The following TTC12 variants were observed in gnomAD, a reference collection of about 807,000 sequenced individuals.
TTC12 encodes the protein tetratricopeptide repeat protein 12.
A neutral mutation model predicts 90.1 loss-of-function variants in TTC12; 70 were observed. That is an observed-to-expected ratio of 0.78 (90% CI 0.64 to 0.95). TTC12 has a LOEUF of 0.95. Ranked by LOEUF, TTC12 falls within the 40% of genes least tolerant of loss-of-function variation. The probability of loss-of-function intolerance (pLI) is 0.00; values close to 1 mark genes in which losing one functional copy is unlikely to be tolerated. For missense variants in TTC12, 819 were observed against 846.1 expected (o/e 0.97, Z 0.40); for synonymous variants, 296 against 311.5 (o/e 0.95, Z 0.53).
Position 113,344,445 on chromosome 11 carries a change from G to A in TTC12, c.1154+5G>A. The A allele has an allele frequency of 6.2e-7, 1 of 1,609,916 alleles. No homozygotes were observed. The highest frequency in any genetic ancestry group is 8.5e-7 in the Non-Finnish European group (1 of 1,177,276). ...CAACCACCTTGACCTGACCAGGTAA[G>A]CCTCTGCTGGCAGGATCTTCCTGGG... On this transcript the variant is annotated splice_donor_5th_base_variant and intron_variant, in intron 13 of 21. Transcript: ENST00000529221.
intron 6 of TTC12, 50 bp downstream of exon 6, chr11:113,325,695 C>T: frequency 6.2e-7 from 1 of 1,600,916 alleles, no homozygotes; most frequent in African/African-American, 1.3e-5. Context: ...GAATAGTTGC[C>T]ACTAAACTTG....
chr11:113,368,039 C>G (rs534050975), downstream of TTC12: 2 of 486,544 alleles, frequency 4.1e-6, no homozygotes, highest in East Asian at 7.1e-5. Flanking sequence ...TTCATAACCA[C>G]CAGCCCTGTC....
intron 8 of TTC12, among the ~76,000 whole-genome samples, chr11:113,336,002 T>G (rs79087129): frequency 0.011 from 1,685 of 151,972 alleles, 32 homozygotes; most frequent in African/African-American, 0.035. Flanking sequence ...TACCAAACTG[T>G]TTTTGAAAAT....
At chr11:113,352,256 A>G (rs782390133) in intron 16 of TTC12, 49 bp downstream of exon 16, 2 of 1,611,416 alleles carry the variant, frequency 1.2e-6, no homozygotes, top group Admixed American at 1.7e-5. Context: ...CTTTGGGGGC[A>G]TTAGCGTCTT....
chr11:113,348,884 C>G (rs1489561005), intron 13 of TTC12, among the ~76,000 whole-genome samples: 1 of 152,176 alleles, frequency 6.6e-6, no homozygotes, highest in Non-Finnish European at 1.5e-5. Flanking sequence ...CCCTGTTCTC[C>G]CCTCACATCC....
intron 6 of TTC12, among the ~76,000 whole-genome samples, chr11:113,325,865 T>C (rs1947657934): frequency 6.6e-6 from 1 of 152,212 alleles, no homozygotes; most frequent in South Asian, 2.1e-4. Context: ...CAGGAGGACT[T>C]GGGAAGAGCT....
At chr11:113,335,073 T>C (rs1555143663) in intron 8 of TTC12, 36 bp downstream of exon 8, 1 of 1,460,790 alleles carries the variant, frequency 6.8e-7, no homozygotes, top group Non-Finnish European at 9.6e-7. Flanking sequence ...ACATGTTTGA[T>C]CACAGACTGA....
At chr11:113,369,487 C>T (rs1244980339), downstream of TTC12, among the ~76,000 whole-genome samples, 1 of 147,062 alleles carries the variant, frequency 6.8e-6, no homozygotes, top group Admixed American at 7.0e-5. Flanking sequence ...AAGATCCTGC[C>T]CTAACATAAG....
chr11:113,369,807 A>T (rs544122210), downstream of TTC12, among the ~76,000 whole-genome samples: 4 of 152,236 alleles, frequency 2.6e-5, no homozygotes, highest in South Asian at 8.3e-4. Context: ...TGACTGACAG[A>T]TAGAAAGTAT....
At chr11:113,348,962 A>T (rs1949118803) in intron 13 of TTC12, among the ~76,000 whole-genome samples, 1 of 152,224 alleles carries the variant, frequency 6.6e-6, no homozygotes, top group African/African-American at 2.4e-5. Flanking sequence ...ATAGTCTGTG[A>T]CTACAGGCTG....
chr11:113,324,813 G>A (rs1381552395), intron 5 of TTC12, 131 bp downstream of exon 5: 8 of 723,348 alleles, frequency 1.1e-5, no homozygotes, highest in African/African-American at 1.1e-4. Flanking sequence ...TTGAGGCAGT[G>A]GGACCTGGCC....
At chr11:113,365,753 G>T (rs1293147306) in intron 21 of TTC12, among the ~76,000 whole-genome samples, 1 of 149,126 alleles carries the variant, frequency 6.7e-6, no homozygotes, top group African/African-American at 2.6e-5. Flanking sequence ...GGGTAACCCC[G>T]GGAGCTGAGT....
chr11:113,344,129 C>T lies in TTC12; in HGVS notation c.986-143C>T. The T allele has an allele frequency of 4.1e-6, 4 of 966,024 alleles. No individual in the cohort carries two copies. In the Admixed American group the frequency reaches 9.9e-5, roughly 24 times the overall value. 59.8% of individuals were successfully genotyped at this position (966,024 alleles called of 1,614,324 possible). On this transcript the variant is annotated intron_variant, in intron 12 of 21. Transcript: ENST00000529221. Reference sequence around the variant, plus strand: ...GGCATTCGGACCCAGCAGTCTGGTTCTAGAATCCACACTCTTACACTTCAT... The same window carrying T: ...GGCATTCGGACCCAGCAGTCTGGTTTTAGAATCCACACTCTTACACTTCAT...
chr11:113,325,385 A>G lies in TTC12; in HGVS notation c.323-139A>G, dbSNP rs1947620391. On this transcript the variant is annotated intron_variant, in intron 5 of 21. Transcript: ENST00000529221. Reference sequence around the variant, plus strand: ...GAAGCTGGTCCTGAAGTATCTGCAGAAAAAAACAAGTGTCAAGTCCCTTTA... The same window carrying G: ...GAAGCTGGTCCTGAAGTATCTGCAGGAAAAAACAAGTGTCAAGTCCCTTTA... The G allele has an allele frequency of 2.4e-5, 23 of 966,110 alleles. No homozygotes were observed. The South Asian group carries it at 3.8e-4, about 16-fold the overall frequency. The allele number at this position is 966,110 out of a possible 1,614,324, so 59.8% of individuals were successfully genotyped here.
chr11:113,359,851 A>T lies in TTC12; in HGVS notation c.1546-89A>T. On this transcript the variant is annotated intron_variant, in intron 17 of 21. Coordinates refer to ENST00000529221, the MANE Select transcript of TTC12 (RefSeq NM_017868.4). ...CCTGGGCATAGTGTGGTGGTGCTAA[A>T]AAGGAGACGGTGCTCAGAAGAAGCT... is the stretch of plus-strand genomic sequence containing the variant. 8.7e-6 allele frequency: 9 copies of T among 1,030,930 alleles called. No homozygotes were observed. In the South Asian group the frequency reaches 1.3e-4, roughly 15 times the overall value. 63.9% of individuals were successfully genotyped at this position (1,030,930 alleles called of 1,614,324 possible).
At chr11:113,372,304 G>C (rs1298338475) in intron 21 of TTC12, among the ~76,000 whole-genome samples, 1 of 152,180 alleles carries the variant, frequency 6.6e-6, no homozygotes, top group Non-Finnish European at 1.5e-5. Context: ...TATTGCCATA[G>C]CCTCCTTGCT....
rs1555140683 is a variant in TTC12, at chr11:113,325,544, G to A, written c.343G>A (p.Glu115Lys). Reference sequence around the variant, plus strand: ...CATAGCCCTAAAAGAAAAAGGGAATGAAGCATTTGCTGAAGGCAATTATGA... The same window carrying A: ...CATAGCCCTAAAAGAAAAAGGGAATAAAGCATTTGCTGAAGGCAATTATGA... The part of the protein sequence containing the change: ...LADALKEKGN[E>K]AFAEGNYETA... The change falls in exon 6 of 22, where the codon GAA becomes AAA. Residue 115 changes from glutamate to lysine, a missense_variant. Glu to Lys is a moderately conservative substitution (Grantham distance 56). Coordinates refer to ENST00000529221, the MANE Select transcript of TTC12 (RefSeq NM_017868.4). The A allele has an allele frequency of 6.2e-7, 1 of 1,613,960 alleles. No individual in the cohort carries two copies. The highest frequency in any genetic ancestry group is 2.2e-5 in the East Asian group (1 of 44,876).
Position 113,325,585 on chromosome 11 carries a change from C to T in TTC12, c.384C>T (p.Arg128=), listed in dbSNP as rs1555140747. The change falls in exon 6 of 22, where the codon CGC becomes CGT. Residue 128 remains arginine, a synonymous_variant. Coordinates refer to ENST00000529221, the MANE Select transcript of TTC12 (RefSeq NM_017868.4). The part of the protein sequence containing the change: ...AEGNYETAIL[R]YSEGLEKLKD... ...GCAATTATGAAACAGCTATCCTGCG[C>T]TACAGTGAGGGTTTGGAGAAGCTGA... 1.9e-6 allele frequency: 3 copies of T among 1,613,978 alleles called. No individual in the cohort carries two copies. The African/African-American group carries it at 4.0e-5, about 22-fold the overall frequency.
chr11:113,348,522 C>T (rs782670915), intron 13 of TTC12, among the ~76,000 whole-genome samples: 5 of 152,178 alleles, frequency 3.3e-5, no homozygotes, highest in Non-Finnish European at 1.5e-5. Flanking sequence ...TGGTTGAATT[C>T]CTGCCTCTTG....
Sources: allele counts gnomAD v4.1 joint callset (sites outside exome capture counted in the v4.1 genomes callset), GRCh38; gene constraint gnomAD v4.1.1; transcripts MANE v1.5; gene names NCBI Gene and HGNC (gene_info 2026-07-23, HGNC 2026-07-21).